Variants in CRYL1 observed in about 807,000 individuals in gnomAD.
CRYL1 encodes the protein lambda-crystallin homolog.
Under a neutral mutation model 36.6 loss-of-function variants are expected in CRYL1, and 29 were observed. The ratio of observed to expected loss-of-function variants is 0.79; its 90% CI spans 0.59 to 1.08. CRYL1 has a LOEUF of 1.08. Ranked by LOEUF, CRYL1 falls within the 50% of genes least tolerant of loss-of-function variation. The probability of loss-of-function intolerance (pLI) is 0.00; values close to 1 mark genes in which losing one functional copy is unlikely to be tolerated. For missense variants in CRYL1, 411 were observed against 407.9 expected (o/e 1.01, Z -0.06); for synonymous variants, 152 against 151.5 (o/e 1.00, Z -0.02).
rs1236320511 is a variant in CRYL1 at position 20,435,895 on chromosome 13, G to A, written c.439-3599C>T. Among the ~76,000 whole-genome samples, 4 of 152,184 alleles carry A rather than the reference G, an allele frequency of 2.6e-5. No individual in the cohort carries two copies. Among genetic ancestry groups the A allele is most frequent in the South Asian group, 2.1e-4 (1 of 4,832 alleles). On this transcript the variant is annotated intron_variant, in intron 4 of 7. Transcript: ENST00000298248. This position sits in a 1 kb window ranked among gnomAD's most constrained non-coding sequence, Gnocchi z 4.0. ...GCAGCCGGGCTGGGGCCTCTTGCCAGCCCTCGGTGTTCGATGCTTCATGGG... is the reference window on the plus strand; with the variant it reads ...GCAGCCGGGCTGGGGCCTCTTGCCAACCCTCGGTGTTCGATGCTTCATGGG...
chr13:20,417,703 T>C (rs1305637639), intron 5 of CRYL1, among the ~76,000 whole-genome samples: 1 of 152,164 alleles, frequency 6.6e-6, no homozygotes, highest in Non-Finnish European at 1.5e-5. Flanking sequence ...CTGAGATTTT[T>C]CCACAGTGGA....
intron 4 of CRYL1, among the ~76,000 whole-genome samples, chr13:20,436,114 G>C (rs1374799649): frequency 6.6e-6 from 1 of 152,164 alleles, no homozygotes; most frequent in East Asian, 1.9e-4. Flanking sequence ...GTTCGAAAAG[G>C]CCACGCACAA....
In CRYL1 at chr13:20,413,290, T is replaced by C. The variant is rs929825636; in HGVS notation, c.731A>G (p.Asn244Ser). The C allele has an allele frequency of 6.2e-7, 1 of 1,605,750 alleles. No homozygotes were observed. Among genetic ancestry groups the C allele is most frequent in the Non-Finnish European group, 8.5e-7 (1 of 1,172,950 alleles). The change falls in exon 6 of 8, where the codon AAT becomes AGT. Residue 244 changes from asparagine to serine, a missense_variant. Transcript: ENST00000298248. ...TGGCCCCAGATGCATACCTTCTGCA[T>C]TGAGATGCATGGTTTCCAGGGGTCC... ...FIGPLETMHL[N>S]AEGMLSYCDR...
At chr13:20,431,093 C>A in intron 5 of CRYL1, 22 of 985,356 alleles carry the variant, frequency 2.2e-5, no homozygotes, top group Non-Finnish European at 2.7e-5. Flanking sequence ...GGGATTTGGC[C>A]CAACAAGAGA....
chr13:20,424,064 C>G (rs112598328), intron 5 of CRYL1, among the ~76,000 whole-genome samples: 1 of 152,014 alleles, frequency 6.6e-6, no homozygotes, highest in Non-Finnish European at 1.5e-5. Flanking sequence ...CCACCACGCC[C>G]GGCCGGGAAT....
chr13:20,522,068 G>A (rs976951233), intron 1 of CRYL1, among the ~76,000 whole-genome samples: 3 of 152,200 alleles, frequency 2.0e-5, no homozygotes, highest in Admixed American at 6.5e-5. Flanking sequence ...AAAATGCACA[G>A]GCCAGGTGTA....
In CRYL1 at chr13:20,525,728, C is replaced by A; in HGVS notation, c.41+26G>T. The A allele has an allele frequency of 7.4e-7, 1 of 1,346,922 alleles. No homozygotes were observed. The highest frequency in any genetic ancestry group is 9.6e-7 in the Non-Finnish European group (1 of 1,044,942). The allele number at this position is 1,346,922 out of a possible 1,614,324, so 83.4% of individuals were successfully genotyped here. The stretch of plus-strand genomic sequence containing the variant: ...CCGGCGTCTCCCCGGGCTCCAGGGG[C>A]AGCAGCGCGGCTCGGAGCCCTTTAC... On this transcript the variant is annotated intron_variant, in intron 1 of 7. Coordinates refer to ENST00000298248, the MANE Select transcript of CRYL1 (RefSeq NM_015974.3). The surrounding 1 kb of genome is among the most constrained non-coding windows in gnomAD (Gnocchi z 4.3).
At position 20,404,251 on chromosome 13, in the gene CRYL1, A is replaced by G. The variant is rs760729015; in HGVS notation, c.847-9T>C. ...ACCTTCATGCACATGTCCTGCAAGA[A>G]GGAGAAGGAAAAAAAAGGACAATAA... On this transcript the variant is annotated splice_polypyrimidine_tract_variant and intron_variant, in intron 7 of 7. Transcript: ENST00000298248. 4 of 1,566,218 alleles carry G rather than the reference A, an allele frequency of 2.6e-6. No homozygotes were observed. The highest frequency in any genetic ancestry group is 3.5e-6 in the Non-Finnish European group (4 of 1,137,516).
intron 3 of CRYL1, among the ~76,000 whole-genome samples, chr13:20,460,265 G>GTA (rs1435245270): frequency 5.3e-5 from 8 of 152,110 alleles, no homozygotes; most frequent in Non-Finnish European, 1.2e-4. Context: ...ATGTGTGTGT[G>GTA]TATATACATA....
At position 20,481,593 on chromosome 13, in the gene CRYL1, C is replaced by G. The variant is rs1442309728; in HGVS notation, c.276+7777G>C. Among the ~76,000 whole-genome samples the G allele has an allele frequency of 6.6e-6, 1 of 152,050 alleles. No individual in the cohort carries two copies. The highest frequency in any genetic ancestry group is 1.5e-5 in the Non-Finnish European group (1 of 67,998). On this transcript the variant is annotated intron_variant, in intron 3 of 7. Transcript: ENST00000298248. The surrounding 1 kb of genome is among the most constrained non-coding windows in gnomAD (Gnocchi z 4.1). ...TGTATGGAAATTATATCTTTGTAAA[C>G]CTGATTTTACAGTTTTTAAAGAAAA...
At chr13:20,408,627 T>C (rs1232255740) in intron 6 of CRYL1, among the ~76,000 whole-genome samples, 1 of 152,212 alleles carries the variant, frequency 6.6e-6, no homozygotes, top group East Asian at 1.9e-4. Context: ...TTTTGTACAT[T>C]GATTTTGTAT....
At chr13:20,427,774 T>C (rs1213374701) in intron 5 of CRYL1, among the ~76,000 whole-genome samples, 2 of 145,134 alleles carry the variant, frequency 1.4e-5, no homozygotes, top group East Asian at 2.0e-4. Flanking sequence ...GATAAACCTC[T>C]AGCAAGAGAA....
chr13:20,522,858 AAGCCTTAG>A (rs2034120189), intron 1 of CRYL1, among the ~76,000 whole-genome samples: 1 of 151,332 alleles, frequency 6.6e-6, no homozygotes. Context: ...AACAAAATGA[AAGCCTTAG>A]AACACTACTC....
At chr13:20,455,880 C>G (rs1247545806) in intron 3 of CRYL1, among the ~76,000 whole-genome samples, 3 of 152,178 alleles carry the variant, frequency 2.0e-5, no homozygotes, top group Non-Finnish European at 4.4e-5. Flanking sequence ...TGGGCACATA[C>G]TGTTACACTG....
Position 20,413,348 on chromosome 13 carries a change from A to G in CRYL1, c.673T>C (p.Ser225Pro), listed in dbSNP as rs1446100530. The part of the protein sequence containing the change: ...VSPSDLDLVM[S>P]EGLGMRYAFI... ...GCATACCGCATGCCCAACCCTTCTG[A>G]CATGACAAGGTCCAGGTCACTAGGA... The change falls in exon 6 of 8, where the codon TCA (serine) becomes CCA (proline). Residue 225 changes from serine to proline, a missense_variant. Coordinates refer to ENST00000298248, the MANE Select transcript of CRYL1 (RefSeq NM_015974.3). 1 of 1,613,852 alleles carries G rather than the reference A, an allele frequency of 6.2e-7. No homozygotes were observed. The highest frequency in any genetic ancestry group is 1.1e-5 in the South Asian group (1 of 91,038).
At chr13:20,508,642 C>T (rs553008966) in intron 2 of CRYL1, among the ~76,000 whole-genome samples, 2 of 151,146 alleles carry the variant, frequency 1.3e-5, no homozygotes, top group South Asian at 2.1e-4. Flanking sequence ...GTCAGGAGAT[C>T]GAGACCATCC....
chr13:20,516,854 T>G (rs769701958), intron 1 of CRYL1, among the ~76,000 whole-genome samples: 10 of 151,992 alleles, frequency 6.6e-5, no homozygotes, highest in Non-Finnish European at 1.5e-4. Context: ...GGAGGATAAT[T>G]AGAACCCAGA....
intron 2 of CRYL1, among the ~76,000 whole-genome samples, chr13:20,501,135 G>A (rs1052561795): frequency 5.9e-5 from 9 of 152,172 alleles, no homozygotes; most frequent in African/African-American, 1.9e-4. Context: ...TGCAGCAGCC[G>A]ATTAAAGCCT....
chr13:20,456,154 C>T (rs572165486), intron 3 of CRYL1, among the ~76,000 whole-genome samples: 160 of 152,086 alleles, frequency 1.1e-3, no homozygotes, highest in Non-Finnish European at 1.6e-3. Flanking sequence ...ATCTGTGAGG[C>T]CTTGGGTTAG....
Sources: allele counts gnomAD v4.1 joint callset (sites outside exome capture counted in the v4.1 genomes callset), GRCh38; gene constraint gnomAD v4.1.1; non-coding constraint Gnocchi (gnomAD v3.1); transcripts MANE v1.5; gene names NCBI Gene and HGNC (gene_info 2026-07-23, HGNC 2026-07-21).